Variants in UBR2 observed in about 807,000 individuals in gnomAD.
UBR2 encodes the protein E3 ubiquitin-protein ligase UBR2.
Under a neutral mutation model 247.9 loss-of-function variants are expected in UBR2, and 92 were observed. The observed-to-expected ratio is 0.37, with a 90% CI of 0.31 to 0.44. UBR2 has a LOEUF of 0.44. Among genes scored for constraint, UBR2 ranks in the 20% least tolerant of loss-of-function variants. UBR2 has a pLI of 1.00. For synonymous variants in UBR2, 672 were observed against 693.5 expected, an observed-to-expected ratio of 0.97 and a Z score of 0.49; for missense variants, 1,613 against 2,112.6, an observed-to-expected ratio of 0.76 and a Z score of 4.64.
chr6:42,571,135 TG>T (rs1401035260), intron 1 of UBR2, among the ~76,000 whole-genome samples: 5 of 148,514 alleles, frequency 3.4e-5, no homozygotes, highest in Non-Finnish European at 7.4e-5. Context: ...CCCAGCTACT[TG>T]GGAGGCTGAG....
chr6:42,606,943 C>T (rs1372671157), intron 7 of UBR2, among the ~76,000 whole-genome samples: 1 of 151,934 alleles, frequency 6.6e-6, no homozygotes. Context: ...TTTTGTGTTA[C>T]TTCTTAGAAA....
chr6:42,600,625 CAAAAAAAA>C (rs71680032), intron 4 of UBR2, among the ~76,000 whole-genome samples: 10 of 106,166 alleles, frequency 9.4e-5, no homozygotes, highest in African/African-American at 2.6e-4. Context: ...GTTACTGTAG[CAAAAAAAA>C]AAAAAAAAAA....
At chr6:42,655,236 GGGA>G (rs1425895080) in intron 25 of UBR2, among the ~76,000 whole-genome samples, 6 of 152,050 alleles carry the variant, frequency 3.9e-5, no homozygotes, top group African/African-American at 1.4e-4. Context: ...CCAGCACTTT[GGGA>G]GGCCAAGGTG....
rs1346121257 is a variant in UBR2, at chr6:42,578,958, AACACACACACACAAACACAC to A, written c.338+4979_338+4998del. On this transcript the variant is annotated intron_variant, in intron 2 of 46. Coordinates refer to ENST00000372901, the MANE Select transcript of UBR2 (RefSeq NM_001363705.2). Reference sequence around the variant, plus strand: ...AGCCTGGGCGAAACTCCATCTCAAAAACACACACACACAAACACACACACACACACACACACACACAAACT... The same window carrying A: ...AGCCTGGGCGAAACTCCATCTCAAAAACACACACACACACACACACAAACT... Among the ~76,000 whole-genome samples the A allele has an allele frequency of 6.0e-5, 7 of 116,384 alleles. No individual in the cohort carries two copies. In the East Asian group the frequency reaches 1.1e-3, roughly 19 times the overall value. 76.4% of individuals were successfully genotyped at this position (116,384 alleles called of 152,430 possible).
chr6:42,608,388 A>G (rs1793851249), intron 7 of UBR2, among the ~76,000 whole-genome samples: 9 of 152,186 alleles, frequency 5.9e-5, no homozygotes, highest in Admixed American at 3.3e-4. Context: ...CATTTTGGAA[A>G]GCAGAGGCAA....
At chr6:42,578,972 AACACACACACAC>A (rs35575176) in intron 2 of UBR2, among the ~76,000 whole-genome samples, 3 of 148,836 alleles carry the variant, frequency 2.0e-5, no homozygotes, top group African/African-American at 7.4e-5. Context: ...CACACACACA[AACACACACACAC>A]ACACACACAC....
chr6:42,644,373 A>G lies in UBR2; in HGVS notation c.2220+37A>G, dbSNP rs200808162. 9.2e-4 allele frequency: 1,486 copies of G among 1,607,458 alleles called. 13 individuals are homozygous for G. Among genetic ancestry groups the G allele is most frequent in the Non-Finnish European group, 9.9e-4 (1,160 of 1,177,610 alleles). ...TTTTATGAAACCACAACACATTGCT[A>G]AAGAAGCATCTTTCCTTCTTTTTGG... On this transcript the variant is annotated intron_variant, in intron 19 of 46. Coordinates refer to ENST00000372901, the MANE Select transcript of UBR2 (RefSeq NM_001363705.2).
intron 10 of UBR2, among the ~76,000 whole-genome samples, chr6:42,616,470 G>T (rs1362250841): frequency 6.6e-6 from 1 of 151,542 alleles, no homozygotes; most frequent in Non-Finnish European, 1.5e-5. Flanking sequence ...TTTAAAATTA[G>T]CATTGCAGTC....
rs369351577 is a variant in UBR2, at chr6:42,644,353, T to C, written c.2220+17T>C. ...ACCCATAAGGTAAGAACGTGTTTTA[T>C]GAAACCACAACACATTGCTAAAGAA... is the stretch of plus-strand genomic sequence containing the variant. On this transcript the variant is annotated intron_variant, in intron 19 of 46. Transcript: ENST00000372901. The C allele has an allele frequency of 6.2e-7, 1 of 1,610,154 alleles. No homozygotes were observed. Among genetic ancestry groups the C allele is most frequent in the Non-Finnish European group, 8.5e-7 (1 of 1,179,020 alleles).
intron 26 of UBR2, among the ~76,000 whole-genome samples, chr6:42,656,064 A>G (rs189477540): frequency 2.8e-4 from 42 of 152,286 alleles, no homozygotes; most frequent in African/African-American, 1.0e-3. Context: ...CTAGCTTTTT[A>G]TTTTAAAAAT....
At chr6:42,614,375 T>TACGTACATACATAC (rs70990112) in intron 8 of UBR2, among the ~76,000 whole-genome samples, 38 of 69,766 alleles carry the variant, frequency 5.4e-4, no homozygotes, top group Non-Finnish European at 1.0e-3. Context: ...TGTGTATGTG[T>TACGTACATACATAC]GTATATATGT....
Position 42,692,198 on chromosome 6 carries a change from A to G in UBR2, c.*1025A>G, listed in dbSNP as rs1799784777. ...TTTAGAATACCCTAATGTTTCAGACAGTGATATTCTCTTGTTATTTCTAAG... is the reference window on the plus strand; with the variant it reads ...TTTAGAATACCCTAATGTTTCAGACGGTGATATTCTCTTGTTATTTCTAAG... On this transcript the variant is annotated 3_prime_UTR_variant, in exon 47 of 47. Coordinates refer to ENST00000372901, the MANE Select transcript of UBR2 (RefSeq NM_001363705.2). 6.6e-6 allele frequency: 1 copy of G among 152,186 alleles called. No homozygotes were observed. The allele number at this position is 152,186 out of a possible 1,614,324, so 9.4% of individuals were successfully genotyped here. A position where few individuals can be genotyped will look rare whatever the true frequency, so the allele number is the denominator to read the frequency against.
At chr6:42,580,777 G>A (rs868447224) in intron 2 of UBR2, among the ~76,000 whole-genome samples, 4 of 152,260 alleles carry the variant, frequency 2.6e-5, no homozygotes, top group Middle Eastern at 3.4e-3. Context: ...TCCTGACCTC[G>A]TGATCTGCCC....
At chr6:42,621,033 G>T (rs1448220186) in intron 11 of UBR2, among the ~76,000 whole-genome samples, 1 of 152,122 alleles carries the variant, frequency 6.6e-6, no homozygotes, top group African/African-American at 2.4e-5. Context: ...ATGTTGGACA[G>T]ACTGGTCTCA....
At chr6:42,687,771 C>A (rs1263424845) in intron 44 of UBR2, among the ~76,000 whole-genome samples, 4 of 152,152 alleles carry the variant, frequency 2.6e-5, no homozygotes, top group Non-Finnish European at 5.9e-5. Context: ...AAACTCCTGA[C>A]CTCAGTTGAT....
chr6:42,574,721 A>C (rs1272311203), intron 2 of UBR2, among the ~76,000 whole-genome samples: 1 of 145,350 alleles, frequency 6.9e-6, no homozygotes, highest in African/African-American at 2.6e-5. Context: ...TCTGAGATGG[A>C]GTCTTGCCCT....
At chr6:42,680,196 G>A (rs1352879175) in intron 42 of UBR2, among the ~76,000 whole-genome samples, 3 of 152,050 alleles carry the variant, frequency 2.0e-5, no homozygotes, top group Non-Finnish European at 4.4e-5. Context: ...ATGTTGGTCA[G>A]GCTGGTCTCG....
rs1033957514 is a variant in UBR2 at position 42,693,234 on chromosome 6, A to T, written c.*2061A>T. On this transcript the variant is annotated 3_prime_UTR_variant, in exon 47 of 47. Transcript: ENST00000372901. ...GCCTGGGAGAAGATGAATTTACATGAAATTGCAACATACACACCTTTTTAT... is the reference window on the plus strand; with the variant it reads ...GCCTGGGAGAAGATGAATTTACATGTAATTGCAACATACACACCTTTTTAT... 6.6e-6 allele frequency: 1 copy of T among 152,202 alleles called. No homozygotes were observed. The highest frequency in any genetic ancestry group is 2.4e-5 in the African/African-American group (1 of 41,452). The allele number at this position is 152,202 out of a possible 1,614,324, so 9.4% of individuals were successfully genotyped here.
chr6:42,645,365 A>G, intron 20 of UBR2, 101 bp from the exon 21 acceptor site: 1 of 1,133,534 alleles, frequency 8.8e-7, no homozygotes, highest in Admixed American at 2.1e-5. Flanking sequence ...GCTCAGACAG[A>G]CTTAGAGAAA....
Sources: gnomAD v4.1 joint callset for allele counts (sites outside exome capture counted in the v4.1 genomes callset) on GRCh38, gnomAD v4.1.1 for gene constraint, MANE v1.5 for transcripts, NCBI Gene and HGNC (gene_info 2026-07-23, HGNC 2026-07-21) for gene names.